Variants in SGSM2 observed in about 807,000 individuals in gnomAD.
SGSM2 encodes the protein RUN and TBC1 domain containing 1.
In SGSM2, 89 loss-of-function variants were observed where a neutral mutation model predicts 126.6. The observed-to-expected ratio is 0.70, with a 90% CI of 0.59 to 0.84. The LOEUF (loss-of-function observed/expected upper bound fraction) is 0.84, where lower values mean the gene tolerates loss of function less well. Among genes scored for constraint, SGSM2 ranks in the 40% least tolerant of loss-of-function variants. SGSM2 has a pLI of 0.00. For missense variants in SGSM2, 1,404 were observed against 1,416.6 expected (o/e 0.99, Z 0.14); for synonymous variants, 614 against 574.3 (o/e 1.07, Z -0.99).
In SGSM2 at chr17:2,372,863, C is replaced by T; in HGVS notation, c.1789-90C>T. ...GCTTCAGCAGTCACTACAGGCCCCG[C>T]CCCAGCCCATTCTCCGTGGGATGGG... On this transcript the variant is annotated intron_variant, in intron 15 of 23. Coordinates refer to ENST00000268989, the MANE Select transcript of SGSM2 (RefSeq NM_014853.3). This position sits in a 1 kb window ranked among gnomAD's most constrained non-coding sequence, Gnocchi z 6.0. 6.7e-7 allele frequency: 1 copy of T among 1,500,794 alleles called. No homozygotes were observed. The highest frequency in any genetic ancestry group is 8.9e-7 in the Non-Finnish European group (1 of 1,118,080). 93.0% of individuals were successfully genotyped at this position (1,500,794 alleles called of 1,614,324 possible).
chr17:2,379,622 C>G lies in SGSM2; in HGVS notation c.*102C>G. The G allele has an allele frequency of 6.6e-7, 1 of 1,512,528 alleles. No individual in the cohort carries two copies. The highest frequency in any genetic ancestry group is 8.9e-7 in the Non-Finnish European group (1 of 1,123,386). The allele number at this position is 1,512,528 out of a possible 1,614,324, so 93.7% of individuals were successfully genotyped here. On this transcript the variant is annotated 3_prime_UTR_variant, in exon 24 of 24. Coordinates refer to ENST00000268989, the MANE Select transcript of SGSM2 (RefSeq NM_014853.3). ...CTCCCCAGCCACCAACCGACCCCAC[C>G]TCTGTTCCTAACAAAGCGGTTGTGA...
rs565015404 is a variant in SGSM2, at chr17:2,340,879, T to C, written c.58-2666T>C. The stretch of plus-strand genomic sequence containing the variant: ...GATTATAGTCGTGAGCCACCACGCC[T>C]GGCCCAGTGTTTAATTTCTACAGAA... On this transcript the variant is annotated intron_variant, in intron 1 of 23. Transcript: ENST00000268989. Among the ~76,000 whole-genome samples the C allele has an allele frequency of 7.6e-4, 115 of 152,054 alleles. 1 individual carries two copies. In the South Asian group the frequency reaches 0.013, roughly 17 times the overall value.
intron 13 of SGSM2, chr17:2,371,824 G>A (rs971320796): frequency 2.6e-6 from 1 of 385,976 alleles, no homozygotes; most frequent in South Asian, 3.0e-5. Context: ...GTGTGCCAGG[G>A]CAGTGAGTGA....
In SGSM2 at chr17:2,376,139, A is replaced by G. The variant is rs1192314266; in HGVS notation, c.2487A>G (p.Ile829Met). ...LAAVCAAAYT[I>M]ELLDTVALNL... ...CTGAGGGCCCTCCACTCTTCCAGAT[A>G]GAATTACTGGACACTGTGGCCTTAA... The change falls in exon 19 of 24, where the codon ATA (isoleucine) becomes ATG (methionine). Residue 829 changes from isoleucine (I) to methionine (M), a missense_variant and splice_region_variant. By Grantham distance (10) the Ile-to-Met change is conservative. Transcript: ENST00000268989. The G allele has an allele frequency of 6.2e-7, 1 of 1,614,060 alleles. No individual in the cohort carries two copies. Among genetic ancestry groups the G allele is most frequent in the South Asian group, 1.1e-5 (1 of 91,088 alleles).
intron 2 of SGSM2, among the ~76,000 whole-genome samples, chr17:2,350,871 A>G (rs1396714551): frequency 1.3e-5 from 2 of 152,208 alleles, no homozygotes; most frequent in African/African-American, 4.8e-5. Flanking sequence ...CCCAGCATCC[A>G]TTGAGGTAGA....
chr17:2,361,169 G>A (rs868422731), intron 2 of SGSM2, among the ~76,000 whole-genome samples: 3 of 152,188 alleles, frequency 2.0e-5, no homozygotes, highest in South Asian at 2.1e-4. Flanking sequence ...TCAGTCCAGC[G>A]GCCACTGTCG....
At position 2,362,850 on chromosome 17, in the gene SGSM2, G is replaced by C. The variant is rs2065379956; in HGVS notation, c.471G>C (p.Glu157Asp). The C allele has an allele frequency of 1.4e-5, 22 of 1,614,006 alleles. No homozygotes were observed. The highest frequency in any genetic ancestry group is 1.8e-5 in the Non-Finnish European group (21 of 1,180,044). Residue 157 changes from glutamate to aspartate, a missense_variant, in exon 5 of 24, where the codon GAG becomes GAC. Glu to Asp is a conservative substitution (Grantham distance 45). Transcript: ENST00000268989. This position sits in a 1 kb window ranked among gnomAD's most constrained non-coding sequence, Gnocchi z 4.9. ...TGTCTCCTGGCAGCAAGTACTACGA[G>C]AAGGAGGCACTGCTGGCAGACCCTG... ...YLAENCSKYY[E>D]KEALLADPVF...
rs780298708 is a variant in SGSM2, at chr17:2,375,860, T to C, written c.2469T>C (p.Cys823=). The C allele has an allele frequency of 3.9e-5, 59 of 1,524,118 alleles. No homozygotes were observed. Among genetic ancestry groups the C allele is most frequent in the East Asian group, 3.2e-4 (14 of 44,280 alleles). The allele number at this position is 1,524,118 out of a possible 1,614,324, so 94.4% of individuals were successfully genotyped here. A position where few individuals can be genotyped will look rare whatever the true frequency, so the allele number is the denominator to read the frequency against. ...CCGGAGAGGAGCTTGCGGCTGTGTGTGCGGCTGCCTACACTGTGCGTACAT... is the reference window on the plus strand; with the variant it reads ...CCGGAGAGGAGCTTGCGGCTGTGTGCGCGGCTGCCTACACTGTGCGTACAT... ...LEAGEELAAV[C]AAAYTIELLD... The change falls in exon 18 of 24, where the codon TGT becomes TGC. Residue 823 remains cysteine, a synonymous_variant. Transcript: ENST00000268989.
Position 2,372,779 on chromosome 17 carries a change from A to G in SGSM2, c.1789-174A>G. 1 of 904,918 alleles carries G rather than the reference A, an allele frequency of 1.1e-6. No homozygotes were observed. The highest frequency in any genetic ancestry group is 1.6e-6 in the Non-Finnish European group (1 of 609,782). The allele number at this position is 904,918 out of a possible 1,614,324, so 56.1% of individuals were successfully genotyped here. On this transcript the variant is annotated intron_variant, in intron 15 of 23. Transcript: ENST00000268989. This position sits in a 1 kb window ranked among gnomAD's most constrained non-coding sequence, Gnocchi z 6.0. ...AGGAAGGAGAGCAGAACGAGATCTC[A>G]TCCCACTGTGAGCTGGGGCACGGGA...
chr17:2,362,571 C>T lies in SGSM2; in HGVS notation c.459-267C>T, dbSNP rs1252049091. Among the ~76,000 whole-genome samples, 1 of 151,822 alleles carries T rather than the reference C, an allele frequency of 6.6e-6. No homozygotes were observed. The highest frequency in any genetic ancestry group is 1.5e-5 in the Non-Finnish European group (1 of 67,978). On this transcript the variant is annotated intron_variant, in intron 4 of 23. Coordinates refer to ENST00000268989, the MANE Select transcript of SGSM2 (RefSeq NM_014853.3). This position sits in a 1 kb window ranked among gnomAD's most constrained non-coding sequence, Gnocchi z 4.9. ...TCCCCAAGCAGCCCCTCCCTTGACCCGTCTCCCGACGTCCCTCAGCCCCAG... is the reference window on the plus strand; with the variant it reads ...TCCCCAAGCAGCCCCTCCCTTGACCTGTCTCCCGACGTCCCTCAGCCCCAG...
chr17:2,379,978 G>A lies in SGSM2; in HGVS notation c.*458G>A, dbSNP rs986917625. On this transcript the variant is annotated 3_prime_UTR_variant, in exon 24 of 24. Transcript: ENST00000268989. ...CCTTTGCAGTCCCAGTATATTGTGC[G>A]TGCACCAGCCCCAGCTGGAGCAACC... 1.2e-4 allele frequency: 163 copies of A among 1,368,868 alleles called. No individual in the cohort carries two copies. In the African/African-American group the frequency reaches 1.8e-3, roughly 15 times the overall value. The allele number at this position is 1,368,868 out of a possible 1,614,324, so 84.8% of individuals were successfully genotyped here.
At chr17:2,374,133 G>GT (rs1279666968) in intron 17 of SGSM2, 9 of 152,252 alleles carry the variant, frequency 5.9e-5, no homozygotes, top group Admixed American at 2.0e-4. Context: ...GTTCTAAACT[G>GT]TGACTGCCTG....
chr17:2,372,283 G>C lies in SGSM2; in HGVS notation c.1642+29G>C. On this transcript the variant is annotated intron_variant, in intron 14 of 23. Coordinates refer to ENST00000268989, the MANE Select transcript of SGSM2 (RefSeq NM_014853.3). The surrounding 1 kb of genome is among the most constrained non-coding windows in gnomAD (Gnocchi z 6.0). ...AGTGTGGGGCGCGCCGGGCTGTGGC[G>C]GGCTGGGGGCGGGCGGCCCTGGGTC... The C allele has an allele frequency of 6.2e-7, 1 of 1,611,744 alleles. No individual in the cohort carries two copies. The highest frequency in any genetic ancestry group is 2.2e-5 in the East Asian group (1 of 44,838).
intron 11 of SGSM2, chr17:2,366,967 G>A (rs1597368761): frequency 6.1e-6 from 2 of 328,168 alleles, no homozygotes; most frequent in African/African-American, 2.1e-5. Flanking sequence ...CTCCTGGGCT[G>A]CCAGCCCATC....
chr17:2,375,905 GC>G lies in SGSM2; in HGVS notation c.2484+32del, dbSNP rs1488458284. 2.7e-6 allele frequency: 4 copies of G among 1,508,220 alleles called. No homozygotes were observed. In the African/African-American group the frequency reaches 4.2e-5, roughly 16 times the overall value. The allele number at this position is 1,508,220 out of a possible 1,614,324, so 93.4% of individuals were successfully genotyped here. A position where few individuals can be genotyped will look rare whatever the true frequency, so the allele number is the denominator to read the frequency against. ...GTACATGCTCCCCAGGCTGTTCCCAGCCGCCCCAGAGGCCCTCCTGACATCC... is the reference window on the plus strand; with the variant it reads ...GTACATGCTCCCCAGGCTGTTCCCAGCGCCCCAGAGGCCCTCCTGACATCC... On this transcript the variant is annotated intron_variant, in intron 18 of 23. Transcript: ENST00000268989.
intron 2 of SGSM2, among the ~76,000 whole-genome samples, chr17:2,352,817 G>A (rs71362309): frequency 0.4 from 28,428 of 70,380 alleles, 6,591 homozygotes; most frequent in East Asian, 0.62. Flanking sequence ...TCGCTCTGTC[G>A]CCCAGGCTGG....
Position 2,364,946 on chromosome 17 carries a change from G to GC in SGSM2, c.1052dup (p.Leu352AlafsTer82). Reference sequence around the variant, plus strand: ...TGAGCCAGGATGGCATCCAGAGGCCGCCGCTGCATTTCCCACAGGGAGGAC... The same window carrying GC: ...TGAGCCAGGATGGCATCCAGAGGCCGCCCGCTGCATTTCCCACAGGGAGGAC... On this transcript the variant is annotated frameshift_variant, in exon 10 of 24. Coordinates refer to ENST00000268989, the MANE Select transcript of SGSM2 (RefSeq NM_014853.3). LOFTEE classifies it high-confidence loss of function. 6.2e-7 allele frequency: 1 copy of GC among 1,613,022 alleles called. No homozygotes were observed. The highest frequency in any genetic ancestry group is 8.5e-7 in the Non-Finnish European group (1 of 1,180,036).
At chr17:2,369,161 C>T (rs971849492) in intron 12 of SGSM2, among the ~76,000 whole-genome samples, 3 of 152,116 alleles carry the variant, frequency 2.0e-5, no homozygotes, top group Non-Finnish European at 2.9e-5. Flanking sequence ...GGAATGGGGG[C>T]CCCCCACCTC....
chr17:2,348,702 C>T (rs1476690515), intron 2 of SGSM2, among the ~76,000 whole-genome samples: 1 of 152,180 alleles, frequency 6.6e-6, no homozygotes, highest in Non-Finnish European at 1.5e-5. Context: ...AGGCAACACA[C>T]ACAGCATGGA....
Sources: gnomAD v4.1 joint callset for allele counts (sites outside exome capture counted in the v4.1 genomes callset) on GRCh38, gnomAD v4.1.1 for gene constraint, Gnocchi (gnomAD v3.1) non-coding constraint, MANE v1.5 for transcripts, NCBI Gene and HGNC (gene_info 2026-07-23, HGNC 2026-07-21) for gene names.